The following CUL3 variants were observed in gnomAD, a reference collection of about 807,000 sequenced individuals.
The protein encoded by CUL3 is cullin 3.
CUL3 carries 19 observed loss-of-function variants against 89.1 expected under a neutral mutation model. The ratio of observed to expected loss-of-function variants is 0.21; its 90% CI spans 0.15 to 0.31. CUL3 has a LOEUF of 0.31. Ranked by LOEUF, CUL3 falls within the 10% of genes least tolerant of loss-of-function variation. The pLI, the probability that CUL3 is intolerant of heterozygous loss-of-function variation, is 1.00. For synonymous variants in CUL3, 351 were observed against 308.4 expected (o/e 1.14, Z -1.45); for missense variants, 469 against 942.3 (o/e 0.50, Z 6.58).
Position 224,574,526 on chromosome 2 carries a change from TA to T in CUL3, c.66+10417del, listed in dbSNP as rs1695256137. Among the ~76,000 whole-genome samples, 3 of 152,306 alleles carry T rather than the reference TA, an allele frequency of 2.0e-5. No homozygotes were observed. The South Asian group carries it at 6.2e-4, about 32-fold the overall frequency. ...CAGCATTTCTTAAAATGAAATCTTT[TA>T]CAGAACCCCATATACAAATGGTAAC... On this transcript the variant is annotated intron_variant, in intron 1 of 15. Coordinates refer to ENST00000264414, the MANE Select transcript of CUL3 (RefSeq NM_003590.5).
chr2:224,508,502 G>T (rs965596881), intron 6 of CUL3, among the ~76,000 whole-genome samples: 2 of 152,066 alleles, frequency 1.3e-5, no homozygotes, highest in Non-Finnish European at 2.9e-5. Context: ...ATCCTATGTT[G>T]TTGTAAGTTT....
At chr2:224,546,679 C>T (rs902848548) in intron 2 of CUL3, among the ~76,000 whole-genome samples, 3 of 150,342 alleles carry the variant, frequency 2.0e-5, no homozygotes, top group African/African-American at 7.3e-5. Context: ...GGGGGGGGTA[C>T]TTGCCCTCAA....
chr2:224,480,586 T>C (rs2106148619), intron 14 of CUL3, among the ~76,000 whole-genome samples: 1 of 152,328 alleles, frequency 6.6e-6, no homozygotes, highest in Non-Finnish European at 1.5e-5. Context: ...GAAGACTTTT[T>C]TAAACATAAT....
chr2:224,480,653 G>A (rs1263624221), intron 14 of CUL3, among the ~76,000 whole-genome samples: 1 of 152,100 alleles, frequency 6.6e-6, no homozygotes, highest in Non-Finnish European at 1.5e-5. Flanking sequence ...AACAAAGACA[G>A]TTACTTATTT....
At chr2:224,549,122 G>A (rs1433546156) in intron 2 of CUL3, among the ~76,000 whole-genome samples, 1 of 152,048 alleles carries the variant, frequency 6.6e-6, no homozygotes, top group Admixed American at 6.6e-5. Flanking sequence ...TTCAAAACCA[G>A]CATGGACAAC....
intron 10 of CUL3, among the ~76,000 whole-genome samples, 191 bp from the exon 11 acceptor site, chr2:224,500,678 T>G (rs114255299): frequency 0.014 from 2,086 of 149,366 alleles, 25 homozygotes; most frequent in Non-Finnish European, 0.022. Context: ...CAGGCCGGAA[T>G]GCAATGGCAC....
intron 2 of CUL3, among the ~76,000 whole-genome samples, chr2:224,550,353 T>C (rs991943733): frequency 1.3e-5 from 2 of 152,138 alleles, no homozygotes; most frequent in Admixed American, 6.6e-5. Context: ...CTCCATCACA[T>C]GAGATAAGCT....
intron 1 of CUL3, chr2:224,569,861 G>A (rs1370317873): frequency 7.2e-6 from 7 of 975,194 alleles, no homozygotes; most frequent in South Asian, 4.6e-5. Flanking sequence ...TGGGGGAAAG[G>A]GTGAGAATTT....
At chr2:224,539,352 G>A (rs1301605239) in intron 2 of CUL3, among the ~76,000 whole-genome samples, 1 of 152,174 alleles carries the variant, frequency 6.6e-6, no homozygotes, top group Non-Finnish European at 1.5e-5. Context: ...CACTGCCAGT[G>A]GGAATGTAAC....
At chr2:224,545,815 A>G (rs950909025) in intron 2 of CUL3, among the ~76,000 whole-genome samples, 1 of 152,214 alleles carries the variant, frequency 6.6e-6, no homozygotes, top group African/African-American at 2.4e-5. Context: ...AAGTTCAAAG[A>G]AGGAACACAG....
chr2:224,487,885 G>C (rs1246853731), intron 13 of CUL3, among the ~76,000 whole-genome samples: 1 of 152,054 alleles, frequency 6.6e-6, no homozygotes, highest in Non-Finnish European at 1.5e-5. Context: ...AATGGAAATC[G>C]TAACAAACAG....
At chr2:224,549,515 T>TC (rs1279972585) in intron 2 of CUL3, among the ~76,000 whole-genome samples, 2 of 152,146 alleles carry the variant, frequency 1.3e-5, no homozygotes, top group Non-Finnish European at 1.5e-5. Flanking sequence ...ATACTTTAAA[T>TC]CCCAGAAAGG....
At chr2:224,562,320 C>T (rs1340601720) in intron 1 of CUL3, among the ~76,000 whole-genome samples, 1 of 151,544 alleles carries the variant, frequency 6.6e-6, no homozygotes, top group African/African-American at 2.4e-5. Context: ...CTGGTGATAG[C>T]TAAGGTTAAA....
chr2:224,494,541 AAGAC>A (rs1352252342), intron 13 of CUL3, among the ~76,000 whole-genome samples: 1 of 152,178 alleles, frequency 6.6e-6, no homozygotes, highest in Middle Eastern at 3.2e-3. Context: ...AACTGGCATA[AAGAC>A]AGACATAGAG....
At position 224,473,625 on chromosome 2, in the gene CUL3, C is replaced by G. The variant is rs904756720; in HGVS notation, c.*620G>C. 2 of 186,520 alleles carry G rather than the reference C, an allele frequency of 1.1e-5. No individual in the cohort carries two copies. The highest frequency in any genetic ancestry group is 4.7e-5 in the African/African-American group (2 of 42,666). 11.6% of individuals were successfully genotyped at this position (186,520 alleles called of 1,614,324 possible). On this transcript the variant is annotated 3_prime_UTR_variant, in exon 16 of 16. Transcript: ENST00000264414. ...AAATTACAACAGGGAGAAACCAAAT[C>G]AGGATGTGTACTTGAGCCCAAAACA...
intron 13 of CUL3, among the ~76,000 whole-genome samples, chr2:224,484,248 T>C (rs1049677019): frequency 2.0e-5 from 3 of 152,026 alleles, no homozygotes; most frequent in Non-Finnish European, 2.9e-5. Flanking sequence ...CCCACAAAAA[T>C]AGTATATGAA....
At chr2:224,478,131 T>C in intron 15 of CUL3, 69 bp downstream of exon 15, 2 of 1,445,858 alleles carry the variant, frequency 1.4e-6, no homozygotes, top group Non-Finnish European at 1.9e-6. Flanking sequence ...TAAAATTAGT[T>C]GAATACAATA....
intron 13 of CUL3, among the ~76,000 whole-genome samples, chr2:224,494,481 A>G (rs528824371): frequency 6.6e-6 from 1 of 152,298 alleles, no homozygotes; most frequent in East Asian, 1.9e-4. Flanking sequence ...ACTCTAATGA[A>G]AAAAGATGGG....
chr2:224,535,100 A>G (rs527533260), intron 3 of CUL3, among the ~76,000 whole-genome samples: 2 of 152,210 alleles, frequency 1.3e-5, no homozygotes, highest in African/African-American at 4.8e-5. Flanking sequence ...CCTTACAAAG[A>G]AAGTACTGTT....
Sources: gnomAD v4.1 joint callset for allele counts (sites outside exome capture counted in the v4.1 genomes callset) on GRCh38, gnomAD v4.1.1 for gene constraint, MANE v1.5 for transcripts, NCBI Gene and HGNC (gene_info 2026-07-23, HGNC 2026-07-21) for gene names.